ADAMTSL3: variants seen among roughly 807,000 people sequenced by gnomAD.
The protein encoded by ADAMTSL3 is ADAMTS-like protein 3.
Under a neutral mutation model 201.7 loss-of-function variants are expected in ADAMTSL3, and 128 were observed. The ratio of observed to expected loss-of-function variants is 0.63; its 90% confidence interval spans 0.55 to 0.73. The LOEUF (loss-of-function observed/expected upper bound fraction) is 0.73, where lower values mean the gene tolerates loss of function less well. Ranked by LOEUF, ADAMTSL3 falls within the 30% of genes least tolerant of loss-of-function variation. ADAMTSL3 has a pLI of 0.00. For missense variants in ADAMTSL3, 1,990 were observed against 2,119.6 expected, an observed-to-expected ratio of 0.94 and a Z score of 1.20; for synonymous variants, 738 against 748.4, an observed-to-expected ratio of 0.99 and a Z score of 0.23.
chr15:83,883,109 T>C (rs930875509), intron 9 of ADAMTSL3, among the ~76,000 whole-genome samples: 1 of 151,716 alleles, frequency 6.6e-6, no homozygotes, highest in African/African-American at 2.4e-5. Flanking sequence ...AATATAGCAT[T>C]TCTCATATGA....
chr15:83,688,751 T>TACACACACAC (rs1555430321), intron 2 of ADAMTSL3, among the ~76,000 whole-genome samples: 9,105 of 114,484 alleles, frequency 0.08, 342 homozygotes, highest in Admixed American at 0.14. Context: ...CACATGCATA[T>TACACACACAC]ATATACACAC....
intron 26 of ADAMTSL3, among the ~76,000 whole-genome samples, chr15:84,024,666 G>A (rs1345492538): frequency 2.0e-5 from 3 of 152,152 alleles, no homozygotes; most frequent in Non-Finnish European, 4.4e-5. Context: ...CCAGCTCCAA[G>A]TTCAGTCTCC....
At chr15:83,662,382 A>G (rs1235428467) in intron 2 of ADAMTSL3, among the ~76,000 whole-genome samples, 1 of 133,168 alleles carries the variant, frequency 7.5e-6, no homozygotes, top group Non-Finnish European at 1.5e-5. Context: ...GTGAGATCAC[A>G]TGGACACAGG....
chr15:83,869,093 T>G (rs2065033509), intron 8 of ADAMTSL3, among the ~76,000 whole-genome samples: 1 of 152,222 alleles, frequency 6.6e-6, no homozygotes, highest in African/African-American at 2.4e-5. Flanking sequence ...TTGAATTTAA[T>G]CAAGTCATTT....
At chr15:83,848,768 G>C (rs529698979) in intron 7 of ADAMTSL3, among the ~76,000 whole-genome samples, 3 of 152,288 alleles carry the variant, frequency 2.0e-5, no homozygotes, top group African/African-American at 7.2e-5. Flanking sequence ...GAATGAATGA[G>C]GTAACTTATC....
intron 2 of ADAMTSL3, among the ~76,000 whole-genome samples, chr15:83,671,426 G>C (rs1343329612): frequency 6.6e-6 from 1 of 152,076 alleles, no homozygotes; most frequent in Non-Finnish European, 1.5e-5. Context: ...TATTTTCCTA[G>C]AAGCCTTCTG....
At position 83,759,256 on chromosome 15, in the gene ADAMTSL3, C is replaced by T. The variant is rs146679151; in HGVS notation, c.190-14267C>T. On this transcript the variant is annotated intron_variant, in intron 3 of 29. Coordinates refer to ENST00000286744, the MANE Select transcript of ADAMTSL3 (RefSeq NM_207517.3). ...TTTTTTTTTTTTTGAGATGGAGTCT[C>T]GCTCTGTCGCCCAGGCTGGAGTGCA... Among the ~76,000 whole-genome samples, 1,508 of 149,372 alleles carry T rather than the reference C, an allele frequency of 0.01. 97 individuals are homozygous for T. In the East Asian group the frequency reaches 0.18, roughly 18 times the overall value.
In ADAMTSL3 at chr15:83,937,978, A is replaced by G. The variant is rs115724016; in HGVS notation, c.2118-4618A>G. On this transcript the variant is annotated intron_variant, in intron 17 of 29. Transcript: ENST00000286744. The stretch of plus-strand genomic sequence containing the variant: ...GGGAGATTAAATTGAAAGAAAACAC[A>G]AAGTCATACCAAAGTCATGTCTGGT... Among the ~76,000 whole-genome samples, 522 of 151,126 alleles carry G rather than the reference A, an allele frequency of 3.5e-3. 40 individuals carry two copies. Among genetic ancestry groups the G allele is most frequent in the African/African-American group, 0.012 (489 of 40,440 alleles).
intron 4 of ADAMTSL3, among the ~76,000 whole-genome samples, chr15:83,786,741 T>C (rs923969052): frequency 6.6e-6 from 1 of 152,218 alleles, no homozygotes; most frequent in East Asian, 1.9e-4. Flanking sequence ...TTCTTACTTA[T>C]TCTTCAAGGT....
At chr15:83,962,229 C>T (rs563906931) in intron 19 of ADAMTSL3, 5 of 152,312 alleles carry the variant, frequency 3.3e-5, no homozygotes, top group South Asian at 2.1e-4. Flanking sequence ...TCCCTAGCCA[C>T]GTGGAACTGA....
At chr15:84,024,525 G>A (rs889668760) in intron 26 of ADAMTSL3, among the ~76,000 whole-genome samples, 2 of 152,128 alleles carry the variant, frequency 1.3e-5, no homozygotes, top group South Asian at 4.1e-4. Flanking sequence ...CAATGAAGAC[G>A]GAATTCTTTT....
intron 1 of ADAMTSL3, 81 bp from the exon 2 acceptor site, chr15:83,655,648 C>A: frequency 1.0e-6 from 1 of 981,486 alleles, no homozygotes; most frequent in Non-Finnish European, 1.6e-6. Context: ...AGGGTCCCTC[C>A]ATCTAATGGG....
At chr15:83,897,708 C>G in intron 13 of ADAMTSL3, 150 bp from the exon 14 acceptor site, 2 of 785,788 alleles carry the variant, frequency 2.5e-6, no homozygotes, top group Non-Finnish European at 3.6e-6. Flanking sequence ...AGAAAATTAG[C>G]CTCTGTACCC....
intron 8 of ADAMTSL3, among the ~76,000 whole-genome samples, chr15:83,860,952 C>T (rs575201197): frequency 3.9e-4 from 60 of 152,310 alleles, no homozygotes; most frequent in Non-Finnish European, 6.5e-4. Context: ...CCTGGAAAAT[C>T]GGGTCACTCC....
chr15:83,880,109 T>C (rs2065243265), intron 9 of ADAMTSL3, among the ~76,000 whole-genome samples: 1 of 152,062 alleles, frequency 6.6e-6, no homozygotes, highest in Non-Finnish European at 1.5e-5. Flanking sequence ...GGCTATGGTG[T>C]AATTAGTGCC....
At chr15:83,888,699 TC>T (rs1188562829) in intron 10 of ADAMTSL3, among the ~76,000 whole-genome samples, 7 of 152,212 alleles carry the variant, frequency 4.6e-5, no homozygotes, top group Admixed American at 1.3e-4. Flanking sequence ...GCCATTGCCA[TC>T]TGATATCGTT....
At chr15:83,832,942 C>A (rs2064187309) in intron 6 of ADAMTSL3, among the ~76,000 whole-genome samples, 1 of 152,090 alleles carries the variant, frequency 6.6e-6, no homozygotes, top group Non-Finnish European at 1.5e-5. Flanking sequence ...TTTGATTTGT[C>A]ATTCATGTTT....
intron 8 of ADAMTSL3, among the ~76,000 whole-genome samples, chr15:83,863,609 A>G (rs1237395167): frequency 6.6e-6 from 1 of 152,232 alleles, no homozygotes; most frequent in Admixed American, 6.5e-5. Context: ...GGACACATTC[A>G]AAGCAGTATG....
intron 5 of ADAMTSL3, among the ~76,000 whole-genome samples, chr15:83,810,149 T>A (rs1370601840): frequency 6.6e-6 from 1 of 152,224 alleles, no homozygotes; most frequent in Non-Finnish European, 1.5e-5. Flanking sequence ...CAAATATCAC[T>A]TAGCCAGAAG....
Sources: allele counts gnomAD v4.1 joint callset (sites outside exome capture counted in the v4.1 genomes callset), GRCh38; gene constraint gnomAD v4.1.1; transcripts MANE v1.5; gene names NCBI Gene and HGNC (gene_info 2026-07-23, HGNC 2026-07-21).